Variants in CNTNAP2 observed in about 807,000 individuals in gnomAD.
The protein encoded by CNTNAP2 is contactin associated protein 2.
In CNTNAP2, 98 loss-of-function variants were observed where a neutral mutation model predicts 155.2. That is an observed-to-expected ratio of 0.63 (90% CI 0.54 to 0.75). CNTNAP2 has a LOEUF of 0.75. Among genes scored for constraint, CNTNAP2 ranks in the 30% least tolerant of loss-of-function variants. The pLI, the probability that CNTNAP2 is intolerant of heterozygous loss-of-function variation, is 0.00. For missense variants in CNTNAP2, 1,727 were observed against 1,688.1 expected (o/e 1.02, Z -0.40); for synonymous variants, 651 against 631.2 (o/e 1.03, Z -0.47).
At chr7:146,640,741 T>C (rs1799690542) in intron 1 of CNTNAP2, among the ~76,000 whole-genome samples, 2 of 152,184 alleles carry the variant, frequency 1.3e-5, no homozygotes, top group African/African-American at 4.8e-5. Flanking sequence ...TTTCTCTTCT[T>C]TAATATAAAG....
chr7:146,195,050 A>G (rs1414814932), intron 1 of CNTNAP2: 3 of 152,368 alleles, frequency 2.0e-5, no homozygotes, highest in African/African-American at 4.8e-5. Flanking sequence ...ATTTTACAAT[A>G]AAGAATATGG....
At chr7:147,032,992 A>C (rs1184687337) in intron 3 of CNTNAP2, among the ~76,000 whole-genome samples, 2 of 151,826 alleles carry the variant, frequency 1.3e-5, no homozygotes, top group East Asian at 3.9e-4. Context: ...TTACTTTATT[A>C]ATTTTCAAAG....
chr7:146,631,274 GA>G (rs1163030311), intron 1 of CNTNAP2, among the ~76,000 whole-genome samples: 21 of 152,104 alleles, frequency 1.4e-4, no homozygotes, highest in African/African-American at 4.6e-4. Context: ...CATTTGAAAG[GA>G]AAACAAATAT....
At chr7:147,163,344 C>T (rs1584765170) in intron 8 of CNTNAP2, among the ~76,000 whole-genome samples, 1 of 152,150 alleles carries the variant, frequency 6.6e-6, no homozygotes, top group Non-Finnish European at 1.5e-5. Context: ...TAAATAATAA[C>T]ACAGCACCAA....
chr7:148,060,965 A>T (rs780787219), intron 15 of CNTNAP2, among the ~76,000 whole-genome samples: 42 of 152,348 alleles, frequency 2.8e-4, no homozygotes, highest in Non-Finnish European at 4.9e-4. Context: ...GAATGGTATG[A>T]TCAAAGTGTT....
chr7:148,352,808 G>C (rs530323104), intron 21 of CNTNAP2, among the ~76,000 whole-genome samples: 1 of 152,280 alleles, frequency 6.6e-6, no homozygotes, highest in African/African-American at 2.4e-5. Flanking sequence ...TGCACCGTGA[G>C]GGGGTATCCT....
intron 21 of CNTNAP2, among the ~76,000 whole-genome samples, chr7:148,309,882 G>A (rs1797562028): frequency 6.6e-6 from 1 of 152,068 alleles, no homozygotes. Context: ...TAAAGTGTTG[G>A]GACGGCAAAA....
At chr7:147,405,495 G>A (rs1201400070) in intron 10 of CNTNAP2, among the ~76,000 whole-genome samples, 3 of 152,160 alleles carry the variant, frequency 2.0e-5, no homozygotes, top group Non-Finnish European at 4.4e-5. Context: ...TGAAGGGGAA[G>A]TTGGAGCTTG....
chr7:146,502,729 A>T (rs1797323895), intron 1 of CNTNAP2, among the ~76,000 whole-genome samples: 1 of 152,066 alleles, frequency 6.6e-6, no homozygotes, highest in African/African-American at 2.4e-5. Flanking sequence ...CTCATGTCTC[A>T]GCCTCCCAAA....
At chr7:147,156,977 C>A (rs574577749) in intron 8 of CNTNAP2, among the ~76,000 whole-genome samples, 1 of 152,220 alleles carries the variant, frequency 6.6e-6, no homozygotes, top group South Asian at 2.1e-4. Flanking sequence ...CACATTTCTG[C>A]TTCATTAAAA....
intron 13 of CNTNAP2, among the ~76,000 whole-genome samples, chr7:147,665,566 G>A (rs536842037): frequency 2.1e-4 from 32 of 152,214 alleles, no homozygotes; most frequent in African/African-American, 5.3e-4. Context: ...TTTCATCACC[G>A]AGGTATTTCA....
chr7:146,279,987 T>C (rs1229564096), intron 1 of CNTNAP2, among the ~76,000 whole-genome samples: 1 of 152,140 alleles, frequency 6.6e-6, no homozygotes, highest in Non-Finnish European at 1.5e-5. Flanking sequence ...ATACTATAAT[T>C]ATGTTATAAA....
intron 1 of CNTNAP2, among the ~76,000 whole-genome samples, chr7:146,319,179 C>T (rs1025560515): frequency 2.0e-5 from 3 of 152,092 alleles, no homozygotes; most frequent in African/African-American, 7.2e-5. Flanking sequence ...ATAACTTTTA[C>T]TGTGCTTAGG....
intron 1 of CNTNAP2, among the ~76,000 whole-genome samples, chr7:146,258,361 A>C (rs1237129604): frequency 1.3e-5 from 2 of 152,184 alleles, no homozygotes; most frequent in Non-Finnish European, 2.9e-5. Context: ...TACATTTTTT[A>C]ATATGTAATA....
chr7:148,199,994 T>A (rs1795341949), intron 18 of CNTNAP2, among the ~76,000 whole-genome samples: 1 of 152,196 alleles, frequency 6.6e-6, no homozygotes, highest in Admixed American at 6.5e-5. Context: ...AGAAGACGGA[T>A]GTCCCAGCAC....
At chr7:146,483,986 G>A (rs1007024842) in intron 1 of CNTNAP2, among the ~76,000 whole-genome samples, 2 of 152,256 alleles carry the variant, frequency 1.3e-5, no homozygotes, top group Admixed American at 6.5e-5. Flanking sequence ...CTCACCCAGA[G>A]CAACTTCTAG....
chr7:147,820,189 G>C (rs1436371244), intron 13 of CNTNAP2, among the ~76,000 whole-genome samples: 4 of 151,872 alleles, frequency 2.6e-5, no homozygotes, highest in Non-Finnish European at 5.9e-5. Flanking sequence ...TTTTAATTTG[G>C]TCCATTCCAG....
At chr7:146,793,518 G>A (rs548387597) in intron 2 of CNTNAP2, among the ~76,000 whole-genome samples, 125 of 152,206 alleles carry the variant, frequency 8.2e-4, no homozygotes, top group Non-Finnish European at 1.6e-3. Context: ...TGGTGGCTAA[G>A]AGATGGCAGA....
chr7:147,227,605 T>A (rs1419072496), intron 8 of CNTNAP2, among the ~76,000 whole-genome samples: 2 of 152,164 alleles, frequency 1.3e-5, no homozygotes, highest in Non-Finnish European at 1.5e-5. Flanking sequence ...GTGAGGGTCA[T>A]GGAGGACATA....
Sources: gnomAD v4.1 joint callset for allele counts (sites outside exome capture counted in the v4.1 genomes callset) on GRCh38, gnomAD v4.1.1 for gene constraint, MANE v1.5 for transcripts, NCBI Gene and HGNC (gene_info 2026-07-23, HGNC 2026-07-21) for gene names.